Variants in NUS1 observed in about 807,000 individuals in gnomAD.
NUS1 encodes the protein NUS1 dehydrodolichyl diphosphate synthase subunit.
For synonymous variants in NUS1, 135 were observed against 155.2 expected, an observed-to-expected ratio of 0.87 and a Z score of 0.97; for missense variants, 292 against 382.9, an observed-to-expected ratio of 0.76 and a Z score of 1.98.
Position 117,694,010 on chromosome 6 carries a change from ATTGT to A in NUS1, c.542-14_542-11del, listed in dbSNP as rs777604444. The stretch of plus-strand genomic sequence containing the variant: ...CTGGAAGAGAGTGTTTTTAAAATAC[ATTGT>A]TTGTTTTTTCTTCCAGTTTTAAATT... On this transcript the variant is annotated splice_polypyrimidine_tract_variant and intron_variant, in intron 2 of 4. Coordinates refer to ENST00000368494, the MANE Select transcript of NUS1 (RefSeq NM_138459.5). 2.7e-4 allele frequency: 436 copies of A among 1,591,326 alleles called. 4 individuals carry two copies. Among genetic ancestry groups the A allele is most frequent in the African/African-American group, 2.7e-5 (2 of 73,932 alleles).
At chr6:117,690,263 G>A (rs1360789665) in intron 1 of NUS1, among the ~76,000 whole-genome samples, 1 of 151,964 alleles carries the variant, frequency 6.6e-6, no homozygotes, top group Non-Finnish European at 1.5e-5. Flanking sequence ...AGAGTCTTAT[G>A]ATTGTGGGCT....
chr6:117,706,867 C>T, intron 4 of NUS1, 58 bp from the exon 5 acceptor site: 2 of 1,331,016 alleles, frequency 1.5e-6, no homozygotes, highest in Non-Finnish European at 2.2e-6. Context: ...TCTTCTGGTT[C>T]CCCCCTACAT....
chr6:117,693,278 T>A, intron 2 of NUS1, 111 bp downstream of exon 2: 1 of 1,110,306 alleles, frequency 9.0e-7, no homozygotes, highest in Non-Finnish European at 1.3e-6. Flanking sequence ...CTGTTACTCT[T>A]TATTGTCAAC....
At position 117,690,188 on chromosome 6, in the gene NUS1, T is replaced by C. The variant is rs1238708518; in HGVS notation, c.416-2854T>C. Among the ~76,000 whole-genome samples the C allele has an allele frequency of 2.6e-5, 4 of 152,232 alleles. No individual in the cohort carries two copies. In the East Asian group the frequency reaches 7.7e-4, roughly 29 times the overall value. ...AATTTTGCTAATATTTAGTGATATA[T>C]TTTTTGCTTAATCTTGTTCTAGATA... On this transcript the variant is annotated intron_variant, in intron 1 of 4. Coordinates refer to ENST00000368494, the MANE Select transcript of NUS1 (RefSeq NM_138459.5).
chr6:117,702,846 T>C (rs573320960), intron 3 of NUS1, among the ~76,000 whole-genome samples: 4 of 152,204 alleles, frequency 2.6e-5, no homozygotes, highest in Non-Finnish European at 5.9e-5. Context: ...AGTGGCAGAA[T>C]TGAGGATGTT....
At chr6:117,676,570 C>T (rs148628100) in intron 1 of NUS1, among the ~76,000 whole-genome samples, 6,280 of 152,264 alleles carry the variant, frequency 0.041, 457 homozygotes, top group African/African-American at 0.14. Context: ...AAGAGCGAAA[C>T]TCTGTCTCAA....
chr6:117,690,369 ATTC>A (rs1773197630), intron 1 of NUS1, among the ~76,000 whole-genome samples: 1 of 152,062 alleles, frequency 6.6e-6, no homozygotes, highest in Admixed American at 6.5e-5. Flanking sequence ...ACTAATCGTT[ATTC>A]TTGTGTATAT....
chr6:117,694,732 C>T (rs1773291001), intron 3 of NUS1, among the ~76,000 whole-genome samples: 1 of 152,038 alleles, frequency 6.6e-6, no homozygotes, highest in Non-Finnish European at 1.5e-5. Context: ...CCTCTAGGAC[C>T]TTTTTGCCAT....
intron 1 of NUS1, among the ~76,000 whole-genome samples, chr6:117,677,629 C>T (rs972001597): frequency 6.6e-6 from 1 of 152,238 alleles, no homozygotes; most frequent in Non-Finnish European, 1.5e-5. Flanking sequence ...GTAACGCTTA[C>T]AGGCTGATCT....
chr6:117,681,400 C>G (rs1467011510), intron 1 of NUS1, among the ~76,000 whole-genome samples: 1 of 152,078 alleles, frequency 6.6e-6, no homozygotes, highest in Non-Finnish European at 1.5e-5. Context: ...TCCTTGAATT[C>G]AAAGAAGGGC....
intron 3 of NUS1, among the ~76,000 whole-genome samples, chr6:117,701,523 C>T (rs570273763): frequency 2.6e-5 from 4 of 152,092 alleles, no homozygotes; most frequent in Non-Finnish European, 4.4e-5. Context: ...GGATTACAGG[C>T]GTGAGCCACC....
intron 1 of NUS1, among the ~76,000 whole-genome samples, chr6:117,681,880 T>C (rs1359142228): frequency 6.6e-6 from 1 of 152,254 alleles, no homozygotes; most frequent in Non-Finnish European, 1.5e-5. Flanking sequence ...TCGCCCAGGC[T>C]GGAGTGCAGT....
At chr6:117,699,174 G>GA (rs147188418) in intron 3 of NUS1, among the ~76,000 whole-genome samples, 5,771 of 152,120 alleles carry the variant, frequency 0.038, 391 homozygotes, top group African/African-American at 0.13. Flanking sequence ...GAAAAAGAAG[G>GA]AAAAGGCATC....
chr6:117,704,614 C>A (rs995401364), intron 4 of NUS1, among the ~76,000 whole-genome samples: 2 of 152,138 alleles, frequency 1.3e-5, no homozygotes, highest in African/African-American at 4.8e-5. Flanking sequence ...AAAGGAGAGA[C>A]ATAGTAGCCT....
intron 3 of NUS1, among the ~76,000 whole-genome samples, chr6:117,699,586 A>G (rs1439340487): frequency 1.3e-5 from 2 of 152,116 alleles, no homozygotes; most frequent in African/African-American, 4.8e-5. Context: ...TCTGCAGTCA[A>G]TGCAAAATAT....
chr6:117,683,422 A>G (rs151203227), intron 1 of NUS1, among the ~76,000 whole-genome samples: 1,901 of 152,202 alleles, frequency 0.012, 39 homozygotes, highest in African/African-American at 0.044. Flanking sequence ...GATTTTTTTC[A>G]TTTTAAATAA....
At chr6:117,682,976 C>T (rs972337003) in intron 1 of NUS1, among the ~76,000 whole-genome samples, 1 of 152,048 alleles carries the variant, frequency 6.6e-6, no homozygotes, top group Non-Finnish European at 1.5e-5. Context: ...TTTCTTCATC[C>T]CACTAGTGTA....
intron 3 of NUS1, among the ~76,000 whole-genome samples, chr6:117,698,342 CA>C (rs1227836261): frequency 2.6e-5 from 4 of 151,982 alleles, no homozygotes; most frequent in Admixed American, 2.0e-4. Context: ...GGAGATACTG[CA>C]ACTGATGCTA....
chr6:117,702,008 T>G (rs185144798), intron 3 of NUS1, among the ~76,000 whole-genome samples: 1 of 152,178 alleles, frequency 6.6e-6, no homozygotes. Context: ...TTCTCAAGTT[T>G]CCTTGGCTTT....
Sources: allele counts gnomAD v4.1 joint callset (sites outside exome capture counted in the v4.1 genomes callset), GRCh38; gene constraint gnomAD v4.1.1; transcripts MANE v1.5; gene names NCBI Gene and HGNC (gene_info 2026-07-23, HGNC 2026-07-21).